Variants in GPCPD1 observed in about 807,000 individuals in gnomAD.
The protein encoded by GPCPD1 is glycerophosphocholine phosphodiesterase 1.
In GPCPD1, 29 loss-of-function variants were observed where a neutral mutation model predicts 89.2. The observed-to-expected ratio is 0.33, with a 90% confidence interval of 0.24 to 0.44. The LOEUF is 0.44. GPCPD1 is among the 20% of genes least tolerant of loss of function. The probability of loss-of-function intolerance (pLI) is 1.00; values close to 1 mark genes in which losing one functional copy is unlikely to be tolerated. For synonymous variants in GPCPD1, 258 were observed against 266.3 expected, an observed-to-expected ratio of 0.97 and a Z score of 0.30; for missense variants, 594 against 808.9, an observed-to-expected ratio of 0.73 and a Z score of 3.22.
chr20:5,582,272 G>C (rs1326452189), intron 6 of GPCPD1, among the ~76,000 whole-genome samples: 1 of 134,132 alleles, frequency 7.5e-6, no homozygotes, highest in African/African-American at 2.9e-5. Flanking sequence ...TACTTATGAA[G>C]TACTAAAGAC....
intron 2 of GPCPD1, among the ~76,000 whole-genome samples, chr20:5,600,522 C>T (rs1490187687): frequency 6.6e-6 from 1 of 150,814 alleles, no homozygotes; most frequent in East Asian, 2.0e-4. Context: ...AACCTCATCT[C>T]TACTGAAAAT....
At chr20:5,573,874 T>C (rs769310167) in intron 11 of GPCPD1, 41 bp downstream of exon 11, 1 of 1,012,876 alleles carries the variant, frequency 9.9e-7, no homozygotes, top group Non-Finnish European at 1.6e-6. Flanking sequence ...GATCCATATT[T>C]CTCTACCTCA....
chr20:5,609,975 G>A (rs559813975), intron 1 of GPCPD1, among the ~76,000 whole-genome samples: 1 of 152,302 alleles, frequency 6.6e-6, no homozygotes, highest in African/African-American at 2.4e-5. Context: ...AATGGGAGGA[G>A]GCGACAGAAG....
intron 19 of GPCPD1, among the ~76,000 whole-genome samples, chr20:5,556,617 C>T (rs757771630): frequency 2.6e-5 from 4 of 152,230 alleles, no homozygotes; most frequent in Non-Finnish European, 4.4e-5. Flanking sequence ...AGCAAGTCTG[C>T]TAATCCCTCA....
At chr20:5,580,169 A>C (rs751525510) in intron 6 of GPCPD1, 38 bp from the exon 7 acceptor site, 1 of 1,183,452 alleles carries the variant, frequency 8.4e-7, no homozygotes, top group East Asian at 2.4e-5. Flanking sequence ...ATTATTATAC[A>C]TGTTTTTTTA....
intron 4 of GPCPD1, among the ~76,000 whole-genome samples, chr20:5,592,846 A>T (rs961824530): frequency 6.6e-5 from 10 of 152,212 alleles, no homozygotes; most frequent in African/African-American, 2.2e-4. Context: ...CTTATCAATA[A>T]CATCTTTGAA....
intron 1 of GPCPD1, among the ~76,000 whole-genome samples, 171 bp from the exon 2 acceptor site, chr20:5,604,611 C>G (rs1346779273): frequency 9.7e-4 from 6 of 6,208 alleles, no homozygotes; most frequent in African/African-American, 1.6e-3. Context: ...AACTTTAGTG[C>G]GGGGGGGGGG....
intron 16 of GPCPD1, among the ~76,000 whole-genome samples, chr20:5,561,234 AC>A (rs1174957997): frequency 2.0e-5 from 3 of 152,262 alleles, no homozygotes; most frequent in African/African-American, 7.2e-5. Flanking sequence ...CACACAAGAC[AC>A]ATGTAAACTG....
At chr20:5,564,951 A>G (rs964731875) in intron 15 of GPCPD1, 66 bp downstream of exon 15, 1 of 806,472 alleles carries the variant, frequency 1.2e-6, no homozygotes, top group African/African-American at 1.7e-5. Context: ...TTAAGAAACA[A>G]AAGTAAATTA....
chr20:5,595,345 CAAG>C (rs1451059535), intron 3 of GPCPD1, among the ~76,000 whole-genome samples: 2 of 151,874 alleles, frequency 1.3e-5, no homozygotes, highest in Non-Finnish European at 2.9e-5. Flanking sequence ...TGCTTTAAAG[CAAG>C]AATAGCAAAT....
At chr20:5,563,132 G>A (rs1049504276) in intron 15 of GPCPD1, among the ~76,000 whole-genome samples, 9 of 152,114 alleles carry the variant, frequency 5.9e-5, no homozygotes, top group South Asian at 2.1e-4. Flanking sequence ...ACAGGCACCC[G>A]CCACCACACC....
chr20:5,569,583 T>A (rs1986593330), intron 12 of GPCPD1, among the ~76,000 whole-genome samples: 1 of 152,070 alleles, frequency 6.6e-6, no homozygotes, highest in Non-Finnish European at 1.5e-5. Context: ...CCCACATTGC[T>A]GCTCGCCCTG....
chr20:5,601,361 C>CTTTTTTT (rs1209326779), intron 2 of GPCPD1, among the ~76,000 whole-genome samples: 6 of 73,058 alleles, frequency 8.2e-5, no homozygotes, highest in Admixed American at 3.7e-4. Context: ...CCCTGTTAAT[C>CTTTTTTT]TTTTTTTTTT....
chr20:5,581,379 A>T (rs915295689), intron 6 of GPCPD1, among the ~76,000 whole-genome samples: 3 of 152,224 alleles, frequency 2.0e-5, no homozygotes, highest in South Asian at 4.1e-4. Context: ...CCATGACTAA[A>T]ATAATACAAA....
At chr20:5,561,369 A>T in intron 16 of GPCPD1, 96 bp downstream of exon 16, 1 of 639,740 alleles carries the variant, frequency 1.6e-6, no homozygotes, top group South Asian at 2.1e-5. Flanking sequence ...TGAGATTTCA[A>T]TTTAGCTTAT....
chr20:5,547,972 G>T, intron 19 of GPCPD1, 122 bp from the exon 20 acceptor site: 2 of 514,390 alleles, frequency 3.9e-6, no homozygotes, highest in Admixed American at 3.3e-5. Context: ...CCACATCAGA[G>T]TTTTTGTTTT....
chr20:5,595,381 G>A (rs917570560), intron 3 of GPCPD1, among the ~76,000 whole-genome samples: 9 of 152,082 alleles, frequency 5.9e-5, no homozygotes, highest in South Asian at 4.1e-4. Context: ...GGTGGCTCAC[G>A]CCTGTAATCC....
At chr20:5,579,876 C>T (rs3818171) in intron 7 of GPCPD1, 132 bp downstream of exon 7, 82,793 of 520,966 alleles carry the variant, frequency 0.16, 7,094 homozygotes, top group South Asian at 0.18. Flanking sequence ...TTCACTATTA[C>T]AAAGCCCTGT....
At chr20:5,558,246 T>G in intron 18 of GPCPD1, 141 bp from the exon 19 acceptor site, 1 of 512,680 alleles carries the variant, frequency 2.0e-6, no homozygotes. Flanking sequence ...TTACTTTAAC[T>G]TATTCTTTTT....
Sources: allele counts gnomAD v4.1 joint callset (sites outside exome capture counted in the v4.1 genomes callset), GRCh38; gene constraint gnomAD v4.1.1; transcripts MANE v1.5; gene names NCBI Gene and HGNC (gene_info 2026-07-23, HGNC 2026-07-21).